The following EOGT variants were observed in gnomAD, a reference collection of about 807,000 sequenced individuals.
The protein encoded by EOGT is EGF domain-specific O-linked N-acetylglucosamine transferase.
A neutral mutation model predicts 70.5 loss-of-function variants in EOGT; 55 were observed. The observed-to-expected ratio is 0.78, with a 90% CI of 0.63 to 0.98. The LOEUF (loss-of-function observed/expected upper bound fraction) is 0.98, where lower values mean the gene tolerates loss of function less well. Among genes scored for constraint, EOGT ranks in the 50% least tolerant of loss-of-function variants. The probability of loss-of-function intolerance (pLI) is 0.00; values close to 1 mark genes in which losing one functional copy is unlikely to be tolerated. For missense variants in EOGT, 703 were observed against 641.9 expected (o/e 1.10, Z -1.03); for synonymous variants, 246 against 217.1 (o/e 1.13, Z -1.17).
intron 10 of EOGT, among the ~76,000 whole-genome samples, chr3:68,990,627 T>G (rs1017755063): frequency 1.8e-4 from 27 of 152,148 alleles, no homozygotes; most frequent in Admixed American, 1.0e-3. Context: ...GTGCTGAGAT[T>G]ACAGAAACCA....
At chr3:68,989,641 G>C (rs66614734) in intron 10 of EOGT, among the ~76,000 whole-genome samples, 11 of 150,958 alleles carry the variant, frequency 7.3e-5, no homozygotes, top group Non-Finnish European at 1.3e-4. Flanking sequence ...CCAGCTACTC[G>C]GGAGGCTGAG....
chr3:69,004,700 C>G (rs1025231537), intron 7 of EOGT, among the ~76,000 whole-genome samples: 4 of 152,074 alleles, frequency 2.6e-5, no homozygotes, highest in Admixed American at 2.0e-4. Context: ...TAACTCATGG[C>G]CTGTCTGAGT....
At chr3:68,987,348 T>C (rs2090840117) in intron 14 of EOGT, 97 bp downstream of exon 14, 1 of 945,090 alleles carries the variant, frequency 1.1e-6, no homozygotes, top group Non-Finnish European at 1.6e-6. Context: ...AACTAAGTTT[T>C]AAACCAAAGC....
chr3:69,012,830 G>T (rs928992226), intron 1 of EOGT, 31 bp from the exon 2 acceptor site: 1 of 152,412 alleles, frequency 6.6e-6, no homozygotes, highest in African/African-American at 2.4e-5. Flanking sequence ...GGAAACATCT[G>T]AAAGATGATG....
intron 5 of EOGT, 31 bp downstream of exon 5, chr3:69,008,397 C>A (rs1202190188): frequency 6.7e-7 from 1 of 1,487,754 alleles, no homozygotes; most frequent in African/African-American, 1.4e-5. Flanking sequence ...AAGAGGAAGA[C>A]TTGAAGAGGG....
chr3:68,987,305 T>C (rs182507850), intron 14 of EOGT, 140 bp downstream of exon 14: 1 of 678,418 alleles, frequency 1.5e-6, no homozygotes, highest in African/African-American at 1.8e-5. Context: ...ATCTAATAAA[T>C]AAACCGGGCA....
chr3:69,009,540 T>C (rs534213167), intron 4 of EOGT, 97 bp downstream of exon 4: 24 of 904,130 alleles, frequency 2.7e-5, no homozygotes, highest in South Asian at 1.9e-4. Flanking sequence ...AACCGAAAAT[T>C]AGAATTCTGC....
intron 10 of EOGT, among the ~76,000 whole-genome samples, chr3:68,995,943 G>A (rs907458764): frequency 4.6e-5 from 7 of 152,124 alleles, no homozygotes; most frequent in African/African-American, 1.4e-4. Flanking sequence ...GGGGTCATAA[G>A]CATGAAATGA....
intron 1 of EOGT, among the ~76,000 whole-genome samples, chr3:69,013,361 G>A (rs1185579996): frequency 6.6e-6 from 1 of 151,804 alleles, no homozygotes; most frequent in African/African-American, 2.4e-5. Flanking sequence ...AAGGGGCCGG[G>A]CGCCCGGGGC....
intron 3 of EOGT, among the ~76,000 whole-genome samples, chr3:69,011,048 T>C (rs1202958205): frequency 6.6e-6 from 1 of 152,184 alleles, no homozygotes; most frequent in Non-Finnish European, 1.5e-5. Flanking sequence ...ATCATGCCTT[T>C]ACATTGTGAA....
chr3:69,007,761 G>A lies in EOGT; in HGVS notation c.372C>T (p.Ala124=), dbSNP rs1279979394. The change falls in exon 6 of 18, where the codon GCC becomes GCT. Residue 124 remains alanine (A), a synonymous_variant. Coordinates refer to ENST00000383701, the MANE Select transcript of EOGT (RefSeq NM_001278689.2). ...IFWKQADFGY[A]RERLEEMHVL... ...CATGCATCTCCTCCAGCCTCTCTCT[G>A]GCATATCCAAAGTCAGCTTGTTTCC... 7 of 1,613,140 alleles carry A rather than the reference G, an allele frequency of 4.3e-6. No individual in the cohort carries two copies. The highest frequency in any genetic ancestry group is 5.9e-6 in the Non-Finnish European group (7 of 1,179,506).
At chr3:68,997,274 G>A (rs1432437375) in intron 10 of EOGT, among the ~76,000 whole-genome samples, 1 of 152,178 alleles carries the variant, frequency 6.6e-6, no homozygotes, top group Non-Finnish European at 1.5e-5. Flanking sequence ...CAAGGAAGCT[G>A]CTATTAAGCA....
chr3:69,006,784 G>A (rs188887489), intron 6 of EOGT, among the ~76,000 whole-genome samples: 70 of 152,252 alleles, frequency 4.6e-4, no homozygotes, highest in African/African-American at 1.6e-3. Flanking sequence ...GATCCACTGA[G>A]GTACGATATG....
intron 14 of EOGT, among the ~76,000 whole-genome samples, chr3:68,984,670 G>A (rs979255942): frequency 1.3e-5 from 2 of 152,124 alleles, no homozygotes; most frequent in Non-Finnish European, 2.9e-5. Context: ...GTGCTCTTTG[G>A]CTTGGAGTTG....
chr3:69,011,589 C>CT (rs1387169438), intron 3 of EOGT, among the ~76,000 whole-genome samples: 2 of 92,326 alleles, frequency 2.2e-5, no homozygotes, highest in African/African-American at 8.4e-5. Flanking sequence ...GAGGGAGACT[C>CT]TGTCTCAAAA....
intron 5 of EOGT, among the ~76,000 whole-genome samples, 173 bp downstream of exon 5, chr3:69,008,255 A>C (rs2091487629): frequency 6.6e-6 from 1 of 152,230 alleles, no homozygotes; most frequent in Non-Finnish European, 1.5e-5. Context: ...GAAATGACAG[A>C]TATTCCTATC....
chr3:68,984,014 T>C (rs1454357476), intron 14 of EOGT, among the ~76,000 whole-genome samples: 2 of 152,194 alleles, frequency 1.3e-5, no homozygotes, highest in African/African-American at 4.8e-5. Flanking sequence ...ATTAGTACTA[T>C]GCCCACTTTA....
intron 10 of EOGT, among the ~76,000 whole-genome samples, chr3:68,989,617 A>C (rs2090921917): frequency 6.6e-6 from 1 of 151,862 alleles, no homozygotes; most frequent in Non-Finnish European, 1.5e-5. Flanking sequence ...GCATGGTGGC[A>C]TGTGCTTATA....
chr3:68,984,157 T>G (rs148610794), intron 14 of EOGT, among the ~76,000 whole-genome samples: 1 of 152,092 alleles, frequency 6.6e-6, no homozygotes, highest in African/African-American at 2.4e-5. Context: ...CACTCTATTG[T>G]CCTGCTTACA....
Sources: allele counts gnomAD v4.1 joint callset (sites outside exome capture counted in the v4.1 genomes callset), GRCh38; gene constraint gnomAD v4.1.1; transcripts MANE v1.5; gene names NCBI Gene and HGNC (gene_info 2026-07-23, HGNC 2026-07-21).